PPA2: variants seen among roughly 807,000 people sequenced by gnomAD.
PPA2 encodes inorganic pyrophosphatase 2, mitochondrial.
Under a neutral mutation model 49.5 loss-of-function variants are expected in PPA2, and 48 were observed. That is an observed-to-expected ratio of 0.97 (90% confidence interval 0.77 to 1.23). The LOEUF (loss-of-function observed/expected upper bound fraction) is 1.23, where lower values mean the gene tolerates loss of function less well. Ranked by LOEUF, PPA2 falls within the 50% of genes most tolerant of loss-of-function variation. The pLI, the probability that PPA2 is intolerant of heterozygous loss-of-function variation, is 0.00. For synonymous variants in PPA2, 131 were observed against 139.9 expected (o/e 0.94, Z 0.45); for missense variants, 429 against 410.1 (o/e 1.05, Z -0.40).
At chr4:105,440,365 G>A (rs1190672388) in intron 5 of PPA2, among the ~76,000 whole-genome samples, 2 of 151,514 alleles carry the variant, frequency 1.3e-5, no homozygotes, top group East Asian at 1.9e-4. Flanking sequence ...GGGTTCAAGC[G>A]ATTCTCCCGC....
At chr4:105,415,464 C>G (rs1224125722) in intron 7 of PPA2, among the ~76,000 whole-genome samples, 3 of 152,214 alleles carry the variant, frequency 2.0e-5, no homozygotes, top group Admixed American at 2.0e-4. Context: ...GCAACAGCAC[C>G]CAGGATCGGC....
At chr4:105,447,483 A>C (rs901196857) in intron 4 of PPA2, among the ~76,000 whole-genome samples, 1 of 152,228 alleles carries the variant, frequency 6.6e-6, no homozygotes, top group Non-Finnish European at 1.5e-5. Context: ...TGATGAGTAT[A>C]GTTAATAACG....
intron 7 of PPA2, among the ~76,000 whole-genome samples, chr4:105,411,705 C>G (rs1186586153): frequency 6.6e-6 from 1 of 152,148 alleles, no homozygotes; most frequent in Non-Finnish European, 1.5e-5. Context: ...CATCTCAGCC[C>G]AAAATCTCCT....
chr4:105,456,405 G>T, intron 2 of PPA2: 7 of 422,852 alleles, frequency 1.7e-5, no homozygotes, highest in East Asian at 5.3e-5. Context: ...TAAACCTCTT[G>T]GTAATTTCCT....
At position 105,469,980 on chromosome 4, in the gene PPA2, A is replaced by G. The variant is rs868861988; in HGVS notation, c.157+3914T>C. ...ATTTCAACACAAGCACATGCTTACTATAAGTGACAAAGCAAATTAATTTTA... is the reference window on the plus strand; with the variant it reads ...ATTTCAACACAAGCACATGCTTACTGTAAGTGACAAAGCAAATTAATTTTA... On this transcript the variant is annotated intron_variant, in intron 1 of 11. Transcript: ENST00000341695. 9.8e-5 allele frequency among the ~76,000 whole-genome samples: 15 copies of G among 152,364 alleles called. No individual in the cohort carries two copies. The South Asian group carries it at 1.4e-3, about 15-fold the overall frequency.
chr4:105,459,200 G>A (rs904335879), intron 1 of PPA2, among the ~76,000 whole-genome samples: 10 of 152,026 alleles, frequency 6.6e-5, no homozygotes, highest in African/African-American at 2.4e-4. Flanking sequence ...ATGAGAAAGA[G>A]CACACAAATG....
At chr4:105,461,058 GATA>G (rs1455780528) in intron 1 of PPA2, among the ~76,000 whole-genome samples, 1 of 152,126 alleles carries the variant, frequency 6.6e-6, no homozygotes, top group Non-Finnish European at 1.5e-5. Context: ...TTAGATCTCA[GATA>G]ATAATAATGC....
intron 1 of PPA2, 108 bp from the exon 2 acceptor site, chr4:105,456,853 T>C: frequency 1.2e-6 from 1 of 847,570 alleles, no homozygotes; most frequent in Non-Finnish European, 1.7e-6. Flanking sequence ...ACGCATTTTT[T>C]ACAAAGCTAA....
At chr4:105,450,242 T>C (rs934588899) in intron 3 of PPA2, among the ~76,000 whole-genome samples, 1 of 152,194 alleles carries the variant, frequency 6.6e-6, no homozygotes, top group African/African-American at 2.4e-5. Flanking sequence ...ACTCCAAGTG[T>C]AGCCAAAGAC....
intron 2 of PPA2, among the ~76,000 whole-genome samples, chr4:105,454,299 C>T (rs113383214): frequency 2.6e-4 from 26 of 101,540 alleles, no homozygotes; most frequent in South Asian, 8.1e-4. Flanking sequence ...GTTTTTGCTG[C>T]TGCTGTTGTT....
chr4:105,389,310 G>A (rs1326569672), intron 9 of PPA2, among the ~76,000 whole-genome samples: 1 of 151,914 alleles, frequency 6.6e-6, no homozygotes, highest in Non-Finnish European at 1.5e-5. Flanking sequence ...ATTGAATCAT[G>A]GAGGCCCCAA....
At chr4:105,373,757 A>C (rs1343947311) in intron 10 of PPA2, among the ~76,000 whole-genome samples, 1 of 107,680 alleles carries the variant, frequency 9.3e-6, no homozygotes, top group Non-Finnish European at 1.9e-5. Context: ...CATATGATAT[A>C]TATTTAAATA....
intron 1 of PPA2, among the ~76,000 whole-genome samples, chr4:105,461,285 G>A (rs1317689930): frequency 6.6e-6 from 1 of 152,222 alleles, no homozygotes; most frequent in Non-Finnish European, 1.5e-5. Flanking sequence ...TTCAAAAAAC[G>A]GTGGTGTTAG....
intron 10 of PPA2, among the ~76,000 whole-genome samples, chr4:105,381,029 C>G (rs1288189129): frequency 6.6e-6 from 1 of 152,126 alleles, no homozygotes; most frequent in African/African-American, 2.4e-5. Flanking sequence ...GAAAGCTTCC[C>G]TTTCTTCACT....
At chr4:105,411,376 A>G (rs1471204702) in intron 7 of PPA2, among the ~76,000 whole-genome samples, 2 of 152,212 alleles carry the variant, frequency 1.3e-5, no homozygotes, top group Non-Finnish European at 2.9e-5. Flanking sequence ...CTAAATATAT[A>G]TGCACCCAGT....
chr4:105,446,636 A>G, intron 4 of PPA2, 134 bp from the exon 5 acceptor site: 1 of 1,119,584 alleles, frequency 8.9e-7, no homozygotes. Context: ...AAGATGCTTT[A>G]AAAGAAATTA....
intron 7 of PPA2, chr4:105,405,821 G>T (rs1311285582): frequency 2.1e-6 from 1 of 469,790 alleles, no homozygotes; most frequent in Admixed American, 2.4e-5. Context: ...CAACATGTAG[G>T]GCTGCATCCA....
chr4:105,370,867 A>T lies in PPA2; in HGVS notation c.946T>A (p.Ser316Thr). Reference sequence around the variant, plus strand: ...TCATTACTTTCTTTATTTGGTGAAGATGATACCTGGAAATAAAAACAGAGA... The same window carrying T: ...TCATTACTTTCTTTATTTGGTGAAGTTGATACCTGGAAATAAAAACAGAGA... ...EARSLVESVS[S>T]SPNKESNEEE... The change falls in exon 11 of 12, where the codon TCT becomes ACT. Residue 316 changes from serine to threonine, a missense_variant. Physicochemically the swap from Ser to Thr is moderately conservative, Grantham distance 58. Coordinates refer to ENST00000341695, the MANE Select transcript of PPA2 (RefSeq NM_176869.3). The T allele has an allele frequency of 6.8e-7, 1 of 1,473,752 alleles. No individual in the cohort carries two copies. Among genetic ancestry groups the T allele is most frequent in the South Asian group, 1.3e-5 (1 of 77,432 alleles). The allele number at this position is 1,473,752 out of a possible 1,614,324, so 91.3% of individuals were successfully genotyped here.
rs1325467059 is a variant in PPA2 at position 105,424,933 on chromosome 4, G to C, written c.529-611C>G. ...GTCAAGGCAAAGAATAATGGCCAGA[G>C]ACCTATAAAATGAGTTCCAACCACC... On this transcript the variant is annotated intron_variant, in intron 6 of 11. Transcript: ENST00000341695. Among the ~76,000 whole-genome samples the C allele has an allele frequency of 2.0e-5, 3 of 152,290 alleles. No individual in the cohort carries two copies. In the East Asian group the frequency reaches 5.8e-4, roughly 29 times the overall value.
Sources: gnomAD v4.1 joint callset for allele counts (sites outside exome capture counted in the v4.1 genomes callset) on GRCh38, gnomAD v4.1.1 for gene constraint, MANE v1.5 for transcripts, NCBI Gene and HGNC (gene_info 2026-07-23, HGNC 2026-07-21) for gene names.